SLC2A9: variants seen among roughly 807,000 people sequenced by gnomAD.
SLC2A9 encodes the protein solute carrier family 2 member 9.
A neutral mutation model predicts 50.6 loss-of-function variants in SLC2A9; 39 were observed. That is an observed-to-expected ratio of 0.77 (90% CI 0.60 to 1.01). The LOEUF (loss-of-function observed/expected upper bound fraction) is 1.01. Among genes scored for constraint, SLC2A9 ranks in the 50% least tolerant of loss-of-function variants. The probability of loss-of-function intolerance (pLI) is 0.00; values close to 1 mark genes in which losing one functional copy is unlikely to be tolerated. For missense variants in SLC2A9, 686 were observed against 677.6 expected, an observed-to-expected ratio of 1.01 and a Z score of -0.14; for synonymous variants, 324 against 276.9, an observed-to-expected ratio of 1.17 and a Z score of -1.69.
intron 8 of SLC2A9, among the ~76,000 whole-genome samples, chr4:9,893,751 C>A (rs546229857): frequency 6.6e-6 from 1 of 151,982 alleles, no homozygotes; most frequent in Non-Finnish European, 1.5e-5. Context: ...AGGAGGGACC[C>A]CCGCAAAGGT....
At chr4:9,832,612 A>G (rs1435077107) in intron 11 of SLC2A9, among the ~76,000 whole-genome samples, 3 of 152,246 alleles carry the variant, frequency 2.0e-5, no homozygotes, top group Non-Finnish European at 4.4e-5. Context: ...GAAAATGCCC[A>G]CAGGCATAAG....
intron 5 of SLC2A9, among the ~76,000 whole-genome samples, chr4:9,943,559 T>C (rs1275429258): frequency 6.6e-6 from 1 of 151,904 alleles, no homozygotes; most frequent in Non-Finnish European, 1.5e-5. Flanking sequence ...GTGATGCAAA[T>C]ACCCTGGAAT....
intron 10 of SLC2A9, among the ~76,000 whole-genome samples, chr4:9,846,500 T>C (rs1364024148): frequency 1.3e-5 from 2 of 152,132 alleles, no homozygotes; most frequent in Non-Finnish European, 2.9e-5. Flanking sequence ...TTGCAGAGCC[T>C]TGACTCACCC....
downstream of SLC2A9, among the ~76,000 whole-genome samples, chr4:9,776,165 C>T (rs1373002308): frequency 6.7e-6 from 1 of 150,274 alleles, no homozygotes; most frequent in Admixed American, 6.6e-5. Flanking sequence ...CAGAGAGGTG[C>T]TGAGGAAAGA....
downstream of SLC2A9, among the ~76,000 whole-genome samples, chr4:9,822,296 T>A (rs945250845): frequency 1.4e-4 from 21 of 152,188 alleles, no homozygotes; most frequent in African/African-American, 5.1e-4. Flanking sequence ...ATTTCATATA[T>A]TTTTATTCTT....
At chr4:9,830,106 A>G (rs2109104677) in intron 11 of SLC2A9, among the ~76,000 whole-genome samples, 1 of 152,368 alleles carries the variant, frequency 6.6e-6, no homozygotes, top group Middle Eastern at 3.4e-3. Flanking sequence ...AAGATATGGA[A>G]TCAACCCAAA....
At chr4:9,942,127 G>C (rs1160372293) in intron 5 of SLC2A9, 82 bp from the exon 6 acceptor site, 2 of 1,560,280 alleles carry the variant, frequency 1.3e-6, no homozygotes, top group East Asian at 2.3e-5. Flanking sequence ...AGGTGGTTTC[G>C]ACCCTGCAGA....
chr4:10,000,342 T>C (rs1216964046), intron 2 of SLC2A9, among the ~76,000 whole-genome samples: 1 of 152,198 alleles, frequency 6.6e-6, no homozygotes, highest in East Asian at 1.9e-4. Flanking sequence ...TTCCATCCAC[T>C]GGAGCTGATA....
chr4:9,782,251 C>A (rs201023282), intron 3 of SLC2A9: 1 of 1,613,642 alleles, frequency 6.2e-7, no homozygotes, highest in Non-Finnish European at 8.5e-7. Context: ...TGCGCGCCAA[C>A]ATGACCAACG....
chr4:9,848,052 A>G (rs1729257884), intron 10 of SLC2A9, among the ~76,000 whole-genome samples: 1 of 152,166 alleles, frequency 6.6e-6, no homozygotes, highest in Non-Finnish European at 1.5e-5. Flanking sequence ...TGAGACTCCC[A>G]GTGTTTCAGA....
At chr4:9,860,712 A>T (rs1180764064) in intron 10 of SLC2A9, among the ~76,000 whole-genome samples, 1 of 152,198 alleles carries the variant, frequency 6.6e-6, no homozygotes, top group Non-Finnish European at 1.5e-5. Flanking sequence ...CCTTTTTGAC[A>T]GAGAGTCCAG....
intron 6 of SLC2A9, among the ~76,000 whole-genome samples, chr4:9,935,751 C>T (rs973546446): frequency 8.5e-5 from 13 of 152,238 alleles, no homozygotes; most frequent in African/African-American, 1.9e-4. Flanking sequence ...ATGCTCCCAG[C>T]ACCGTCTCGC....
chr4:9,832,953 G>A (rs1726416793), intron 11 of SLC2A9, among the ~76,000 whole-genome samples: 1 of 152,166 alleles, frequency 6.6e-6, no homozygotes, highest in Admixed American at 6.5e-5. Context: ...ATAGTGGCCT[G>A]CTTCTCGGAC....
At chr4:9,903,461 C>T (rs987368349) in intron 8 of SLC2A9, among the ~76,000 whole-genome samples, 2 of 152,102 alleles carry the variant, frequency 1.3e-5, no homozygotes, top group African/African-American at 4.8e-5. Context: ...TGGAAGTTCA[C>T]TCATCAGAGA....
intron 10 of SLC2A9, among the ~76,000 whole-genome samples, chr4:9,862,408 T>C (rs951174247): frequency 6.6e-6 from 1 of 152,112 alleles, no homozygotes; most frequent in African/African-American, 2.4e-5. Context: ...AAGCCACTTC[T>C]TTGAGCACTA....
chr4:10,025,842 G>A, upstream of SLC2A9: 2 of 1,515,902 alleles, frequency 1.3e-6, no homozygotes, highest in Non-Finnish European at 1.8e-6. Context: ...GGGGAAAGGG[G>A]TACTACCCCC....
chr4:9,881,261 T>C (rs530226523), intron 10 of SLC2A9, among the ~76,000 whole-genome samples: 41 of 152,208 alleles, frequency 2.7e-4, no homozygotes, highest in Non-Finnish European at 5.4e-4. Flanking sequence ...GCCTGGGCCC[T>C]AGCCCTCCAA....
intron 3 of SLC2A9, among the ~76,000 whole-genome samples, chr4:9,785,840 T>C (rs1390169370): frequency 2.0e-5 from 3 of 152,160 alleles, no homozygotes; most frequent in Non-Finnish European, 2.9e-5. Context: ...CTGACCAGGA[T>C]AGATAACGCC....
At chr4:9,892,174 G>C (rs1223347732) in intron 8 of SLC2A9, among the ~76,000 whole-genome samples, 6 of 152,226 alleles carry the variant, frequency 3.9e-5, no homozygotes, top group African/African-American at 1.2e-4. Flanking sequence ...TGAGGGGTGA[G>C]TGACAGCTGC....
Sources: allele counts gnomAD v4.1 joint callset (sites outside exome capture counted in the v4.1 genomes callset), GRCh38; gene constraint gnomAD v4.1.1; transcripts MANE v1.5; gene names NCBI Gene and HGNC (gene_info 2026-07-23, HGNC 2026-07-21).